Variants in TAF3 observed in about 807,000 individuals in gnomAD.
The protein encoded by TAF3 is TATA-box binding protein associated factor 3, also known as transcription initiation factor TFIID subunit 3.
In TAF3, 7 loss-of-function variants were observed where a neutral mutation model predicts 80.6. That is an observed-to-expected ratio of 0.09 (90% CI 0.05 to 0.16). The LOEUF (loss-of-function observed/expected upper bound fraction) is 0.16. TAF3 is among the 10% of genes least tolerant of loss of function. The pLI, the probability that TAF3 is intolerant of heterozygous loss-of-function variation, is 1.00. For synonymous variants in TAF3, 444 were observed against 446.1 expected (o/e 1.00, Z 0.06); for missense variants, 921 against 1,140.2 (o/e 0.81, Z 2.77).
rs374053215 is a variant in TAF3, at chr10:7,844,995, C to G, written c.409+20435C>G. The stretch of plus-strand genomic sequence containing the variant: ...ATATTATTTCCTTATGATAAATTCC[C>G]AGGGTAGAAGTTTTTAGGTCAAAGG... On this transcript the variant is annotated intron_variant, in intron 2 of 6. Coordinates refer to ENST00000344293, the MANE Select transcript of TAF3 (RefSeq NM_031923.4). Among the ~76,000 whole-genome samples the G allele has an allele frequency of 3.9e-4, 60 of 152,132 alleles. 2 individuals carry two copies. The East Asian group carries it at 7.1e-3, about 18-fold the overall frequency.
At chr10:7,878,055 G>C (rs148801102) in intron 2 of TAF3, among the ~76,000 whole-genome samples, 1 of 151,986 alleles carries the variant, frequency 6.6e-6, no homozygotes, top group Non-Finnish European at 1.5e-5. Flanking sequence ...TGCCTCTGGC[G>C]TGCAAAATAA....
intron 4 of TAF3, among the ~76,000 whole-genome samples, chr10:8,008,403 C>T (rs142614117): frequency 1.6e-4 from 24 of 152,190 alleles, no homozygotes; most frequent in East Asian, 1.4e-3. Context: ...CCAGCCTGAA[C>T]GGTCAATCTT....
At chr10:7,930,834 AT>A (rs1837862114) in intron 2 of TAF3, among the ~76,000 whole-genome samples, 1 of 151,688 alleles carries the variant, frequency 6.6e-6, no homozygotes, top group African/African-American at 2.4e-5. Context: ...TATAATATAT[AT>A]TTTTTATACT....
intron 4 of TAF3, among the ~76,000 whole-genome samples, chr10:7,980,395 T>C (rs1424518698): frequency 6.6e-6 from 1 of 152,190 alleles, no homozygotes. Context: ...TCCCTATTAT[T>C]GTTCCTTGAA....
chr10:7,868,397 C>T (rs550066833), intron 2 of TAF3, among the ~76,000 whole-genome samples: 16 of 150,208 alleles, frequency 1.1e-4, no homozygotes, highest in African/African-American at 3.4e-4. Flanking sequence ...GTGACATTAG[C>T]GGTCAAGTCT....
At chr10:7,915,173 C>T (rs938342796) in intron 2 of TAF3, among the ~76,000 whole-genome samples, 1 of 151,036 alleles carries the variant, frequency 6.6e-6, no homozygotes, top group African/African-American at 2.4e-5. Flanking sequence ...ATCTCCTGAG[C>T]TTGTGATCTG....
intron 4 of TAF3, among the ~76,000 whole-genome samples, chr10:7,988,144 T>C (rs1831795969): frequency 6.6e-6 from 1 of 152,130 alleles, no homozygotes; most frequent in Non-Finnish European, 1.5e-5. Flanking sequence ...GCCAATATAT[T>C]TGATGTTGTT....
chr10:7,849,349 C>T (rs1035267276), intron 2 of TAF3, among the ~76,000 whole-genome samples: 1 of 152,008 alleles, frequency 6.6e-6, no homozygotes, highest in East Asian at 1.9e-4. Context: ...GTGATATTCC[C>T]GTTTGTAAGA....
At position 8,009,079 on chromosome 10, in the gene TAF3, G is replaced by A; in HGVS notation, c.2317G>A (p.Val773Ile). The change falls in exon 5 of 7, where the codon GTC (valine) becomes ATC (isoleucine). Residue 773 changes from valine (V) to isoleucine (I), a missense_variant and splice_region_variant. Around this residue, in one of 6 missense-constraint regions of TAF3, gnomAD observed 743 missense variants for 821.0 expected, o/e 0.90. Transcript: ENST00000344293. The surrounding 1 kb of genome is among the most constrained non-coding windows in gnomAD (Gnocchi z 4.1). ...TACCTTCTCTTCTTTTGTTGACAGT[G>A]TCATCAGCAAGGTGGTCCCTGCCCC... ...LRVGAGQDKI[V>I]ISKVVPAPEA... 6.2e-7 allele frequency: 1 copy of A among 1,601,052 alleles called. No individual in the cohort carries two copies. Among genetic ancestry groups the A allele is most frequent in the Non-Finnish European group, 8.5e-7 (1 of 1,174,526 alleles).
chr10:7,851,435 T>C (rs1837025734), intron 2 of TAF3, among the ~76,000 whole-genome samples: 1 of 152,212 alleles, frequency 6.6e-6, no homozygotes, highest in Non-Finnish European at 1.5e-5. Flanking sequence ...GAGATCATCA[T>C]GGCAGGCCTT....
chr10:7,837,340 G>GC (rs2131110642), intron 2 of TAF3, among the ~76,000 whole-genome samples: 1 of 101,380 alleles, frequency 9.9e-6, no homozygotes, highest in East Asian at 2.2e-4. Context: ...TCCAGTCTGG[G>GC]CAAAAAAAAA....
chr10:7,896,743 A>G (rs1217354767), intron 2 of TAF3, among the ~76,000 whole-genome samples: 1 of 152,156 alleles, frequency 6.6e-6, no homozygotes, highest in East Asian at 1.9e-4. Flanking sequence ...AATTACCACA[A>G]ATTTAGCAGC....
intron 2 of TAF3, among the ~76,000 whole-genome samples, chr10:7,829,298 C>A (rs1434771762): frequency 1.3e-5 from 2 of 152,184 alleles, no homozygotes; most frequent in Non-Finnish European, 2.9e-5. Flanking sequence ...ACGTGTATCA[C>A]AATTAATGAA....
chr10:7,847,202 T>C (rs1441655506), intron 2 of TAF3, among the ~76,000 whole-genome samples: 1 of 152,208 alleles, frequency 6.6e-6, no homozygotes, highest in South Asian at 2.1e-4. Context: ...CTAGAAGAAT[T>C]ATAAGAAAAT....
At chr10:7,936,075 C>G (rs1400765528) in intron 2 of TAF3, among the ~76,000 whole-genome samples, 1 of 152,010 alleles carries the variant, frequency 6.6e-6, no homozygotes, top group Non-Finnish European at 1.5e-5. Flanking sequence ...GTGATTGTAT[C>G]GTAAAACAGA....
intron 2 of TAF3, among the ~76,000 whole-genome samples, chr10:7,842,786 A>G (rs1002550132): frequency 2.6e-5 from 4 of 152,136 alleles, no homozygotes; most frequent in Non-Finnish European, 5.9e-5. Context: ...GATAATTATT[A>G]TAATCAAATT....
At chr10:7,904,832 C>T (rs879832871) in intron 2 of TAF3, among the ~76,000 whole-genome samples, 19 of 152,006 alleles carry the variant, frequency 1.2e-4, no homozygotes, top group Admixed American at 7.9e-4. Context: ...CGGGGCCGAC[C>T]GTAACTGGCT....
At chr10:7,878,671 C>T (rs975101) in intron 2 of TAF3, among the ~76,000 whole-genome samples, 30,395 of 151,816 alleles carry the variant, frequency 0.2, 3,157 homozygotes, top group East Asian at 0.3. Flanking sequence ...TCTCTAGATG[C>T]ACTATAATTA....
intron 5 of TAF3, among the ~76,000 whole-genome samples, chr10:8,011,468 G>A (rs1351161176): frequency 6.6e-6 from 1 of 152,130 alleles, no homozygotes; most frequent in Non-Finnish European, 1.5e-5. Context: ...TGGAGATGAT[G>A]TCTCTCTGTG....
Sources: gnomAD v4.1 joint callset for allele counts (sites outside exome capture counted in the v4.1 genomes callset) on GRCh38, gnomAD v4.1.1 for gene constraint, gnomAD v4.1.1 regional missense constraint, Gnocchi (gnomAD v3.1) non-coding constraint, MANE v1.5 for transcripts, NCBI Gene and HGNC (gene_info 2026-07-23, HGNC 2026-07-21) for gene names.